GUCY1A1: variants seen among roughly 807,000 people sequenced by gnomAD.
The protein encoded by GUCY1A1 is guanylate cyclase soluble subunit alpha-1.
In GUCY1A1, 48 loss-of-function variants were observed where a neutral mutation model predicts 64.5. The ratio of observed to expected loss-of-function variants is 0.74; its 90% confidence interval spans 0.59 to 0.95. The LOEUF is 0.95. Among genes scored for constraint, GUCY1A1 ranks in the 40% least tolerant of loss-of-function variants. GUCY1A1 has a pLI of 0.00. For synonymous variants in GUCY1A1, 308 were observed against 303.4 expected (o/e 1.02, Z -0.16); for missense variants, 804 against 825.3 (o/e 0.97, Z 0.32).
intron 6 of GUCY1A1, among the ~76,000 whole-genome samples, chr4:155,711,937 T>C (rs984654772): frequency 7.9e-5 from 12 of 152,162 alleles, no homozygotes; most frequent in African/African-American, 4.8e-5. Context: ...AAATGAGTAA[T>C]ATTGAAAGGT....
At chr4:155,721,820 C>T (rs1399325542) in intron 8 of GUCY1A1, among the ~76,000 whole-genome samples, 1 of 151,958 alleles carries the variant, frequency 6.6e-6, no homozygotes, top group African/African-American at 2.4e-5. Flanking sequence ...GTGTAATAAA[C>T]CTAAATGGAA....
At position 155,722,086 on chromosome 4, in the gene GUCY1A1, G is replaced by C. The variant is rs1243155394; in HGVS notation, c.1765G>C (p.Val589Leu). 1.2e-6 allele frequency: 2 copies of C among 1,613,688 alleles called. No individual in the cohort carries two copies. Among genetic ancestry groups the C allele is most frequent in the African/African-American group, 2.7e-5 (2 of 74,994 alleles). ...ATCAGTTTTTGCTGGCGTCGTTGGAGTTAAAATGCCCCGTTACTGTCTTTT... is the reference window on the plus strand; with the variant it reads ...ATCAGTTTTTGCTGGCGTCGTTGGACTTAAAATGCCCCGTTACTGTCTTTT... The part of the protein sequence containing the change: ...SGSVFAGVVG[V>L]KMPRYCLFGN... The change falls in exon 9 of 10, where the codon GTT (valine) becomes CTT (leucine). Residue 589 changes from valine to leucine, a missense_variant. Coordinates refer to ENST00000506455, the MANE Select transcript of GUCY1A1 (RefSeq NM_001130682.3).
In GUCY1A1 at chr4:155,713,269, C is replaced by T. The variant is rs373182378; in HGVS notation, c.1258C>T (p.Arg420Ter). 1.4e-5 allele frequency: 22 copies of T among 1,613,936 alleles called. No homozygotes were observed. The highest frequency in any genetic ancestry group is 1.7e-5 in the Admixed American group (1 of 59,984). The change falls in exon 7 of 10, where the codon CGA (arginine) becomes TGA (stop). Residue 420 changes from arginine (R) to a stop codon, truncating the protein, a stop_gained. Transcript: ENST00000506455. LOFTEE classifies it high-confidence loss of function. ...RDVVLIGEQA[R>*]AQDGLKKRLG... The stretch of plus-strand genomic sequence containing the variant: ...TGTGGTCTTAATAGGGGAACAAGCC[C>T]GAGCTCAAGATGGCCTGAAGAAGAG...
At chr4:155,713,681 C>G (rs534695162) in intron 7 of GUCY1A1, 98 bp downstream of exon 7, 1 of 1,322,542 alleles carries the variant, frequency 7.6e-7, no homozygotes, top group East Asian at 2.4e-5. Flanking sequence ...TGAAAGGCCA[C>G]CTCTGTAGGG....
intron 2 of GUCY1A1, among the ~76,000 whole-genome samples, chr4:155,689,042 A>G (rs76164227): frequency 2.1e-3 from 321 of 150,728 alleles, no homozygotes; most frequent in Non-Finnish European, 3.4e-3. Context: ...TAAGAGGAAG[A>G]ATGGGGAGCA....
At chr4:155,675,012 A>G (rs983881350) in intron 2 of GUCY1A1, among the ~76,000 whole-genome samples, 2 of 151,566 alleles carry the variant, frequency 1.3e-5, no homozygotes, top group African/African-American at 4.9e-5. Flanking sequence ...TACAATGGCT[A>G]TCAGTCACTA....
chr4:155,727,905 T>G (rs1734950519), intron 9 of GUCY1A1, among the ~76,000 whole-genome samples: 1 of 151,900 alleles, frequency 6.6e-6, no homozygotes, highest in South Asian at 2.1e-4. Context: ...ATATGTACTC[T>G]CTGCAGACAG....
Position 155,713,477 on chromosome 4 carries a change from G to T in GUCY1A1, c.1466G>T (p.Gly489Val). 1 of 1,614,124 alleles carries T rather than the reference G, an allele frequency of 6.2e-7. No individual in the cohort carries two copies. The highest frequency in any genetic ancestry group is 1.3e-5 in the African/African-American group (1 of 75,020). The change falls in exon 7 of 10, where the codon GGG becomes GTG. Residue 489 changes from glycine to valine, a missense_variant. Gly to Val is a moderately radical substitution (Grantham distance 109, BLOSUM62 -3). Coordinates refer to ENST00000506455, the MANE Select transcript of GUCY1A1 (RefSeq NM_001130682.3). ...NVTMLFSDIV[G>V]FTAICSQCSP... ...ACCATGCTCTTCTCAGACATCGTTG[G>T]GTTCACTGCCATCTGCTCCCAGTGC...
At chr4:155,690,815 T>G (rs1290698776) in intron 2 of GUCY1A1, among the ~76,000 whole-genome samples, 1 of 152,212 alleles carries the variant, frequency 6.6e-6, no homozygotes, top group Non-Finnish European at 1.5e-5. Flanking sequence ...GTTTTCCTCC[T>G]GGATTGTAAG....
intron 8 of GUCY1A1, among the ~76,000 whole-genome samples, chr4:155,721,216 A>T (rs559305794): frequency 6.6e-6 from 1 of 152,042 alleles, no homozygotes; most frequent in Non-Finnish European, 1.5e-5. Context: ...GTGAACTATG[A>T]TGGTACCGCT....
chr4:155,713,972 G>A (rs1732918825), intron 7 of GUCY1A1, among the ~76,000 whole-genome samples: 1 of 152,124 alleles, frequency 6.6e-6, no homozygotes, highest in Non-Finnish European at 1.5e-5. Context: ...TTCAAAGTAT[G>A]GCTTATACAA....
At chr4:155,687,378 TA>T (rs1340116078) in intron 2 of GUCY1A1, among the ~76,000 whole-genome samples, 4 of 152,146 alleles carry the variant, frequency 2.6e-5, no homozygotes, top group Non-Finnish European at 5.9e-5. Flanking sequence ...TATCTTTTTT[TA>T]AAAAAATTAT....
At chr4:155,682,569 G>A (rs1415511709) in intron 2 of GUCY1A1, among the ~76,000 whole-genome samples, 1 of 152,122 alleles carries the variant, frequency 6.6e-6, no homozygotes, top group East Asian at 1.9e-4. Context: ...CTACACAGGA[G>A]GCTGAGGCCG....
At chr4:155,728,158 G>A (rs1008342659) in intron 9 of GUCY1A1, among the ~76,000 whole-genome samples, 3 of 152,044 alleles carry the variant, frequency 2.0e-5, no homozygotes, top group African/African-American at 4.8e-5. Context: ...TTGATAAAAT[G>A]TAAATCTAGT....
chr4:155,700,694 A>G (rs938242637), intron 3 of GUCY1A1, among the ~76,000 whole-genome samples: 1 of 152,210 alleles, frequency 6.6e-6, no homozygotes, highest in African/African-American at 2.4e-5. Flanking sequence ...TCTGTGAATC[A>G]GAAAGTCCAC....
At chr4:155,706,037 TG>T (rs1466049619) in intron 4 of GUCY1A1, among the ~76,000 whole-genome samples, 1 of 152,230 alleles carries the variant, frequency 6.6e-6, no homozygotes, top group Non-Finnish European at 1.5e-5. Context: ...CTTTGTGTTC[TG>T]AATCGTTCCT....
rs751084289 is a variant in GUCY1A1 at position 155,713,288 on chromosome 4, A to G, written c.1277A>G (p.Lys426Arg). The change falls in exon 7 of 10, where the codon AAG (lysine) becomes AGG (arginine). Residue 426 changes from lysine to arginine, a missense_variant. By Grantham distance (26) the Lys-to-Arg change is conservative. Coordinates refer to ENST00000506455, the MANE Select transcript of GUCY1A1 (RefSeq NM_001130682.3). ...CAAGCCCGAGCTCAAGATGGCCTGAAGAAGAGGCTGGGGAAGCTGAAGGCT... is the reference window on the plus strand; with the variant it reads ...CAAGCCCGAGCTCAAGATGGCCTGAGGAAGAGGCTGGGGAAGCTGAAGGCT... ...GEQARAQDGLKKRLGKLKATL... is the reference protein window; with the variant it reads ...GEQARAQDGLRKRLGKLKATL... The G allele has an allele frequency of 2.5e-6, 4 of 1,614,062 alleles. No homozygotes were observed. In the African/African-American group the frequency reaches 5.3e-5, roughly 22 times the overall value.
Position 155,731,752 on chromosome 4 carries a change from A to G in GUCY1A1, c.*1521A>G, listed in dbSNP as rs750397191. 9 of 151,758 alleles carry G rather than the reference A, an allele frequency of 5.9e-5. No individual in the cohort carries two copies. Among genetic ancestry groups the G allele is most frequent in the Non-Finnish European group, 8.8e-5 (6 of 67,848 alleles). 9.4% of individuals were successfully genotyped at this position (151,758 alleles called of 1,614,324 possible). ...GTTCTGAGAAATAACTCAGTTTAAA[A>G]CTTCTTTAACTGCCTCCCTTAGTAC... is the stretch of plus-strand genomic sequence containing the variant. On this transcript the variant is annotated 3_prime_UTR_variant, in exon 10 of 10. Coordinates refer to ENST00000506455, the MANE Select transcript of GUCY1A1 (RefSeq NM_001130682.3).
At chr4:155,715,486 C>G (rs1286137572) in intron 7 of GUCY1A1, among the ~76,000 whole-genome samples, 1 of 152,136 alleles carries the variant, frequency 6.6e-6, no homozygotes, top group Non-Finnish European at 1.5e-5. Flanking sequence ...GGCTACAGAG[C>G]TAGAGGGTAC....
Sources: allele counts gnomAD v4.1 joint callset (sites outside exome capture counted in the v4.1 genomes callset), GRCh38; gene constraint gnomAD v4.1.1; transcripts MANE v1.5; gene names NCBI Gene and HGNC (gene_info 2026-07-23, HGNC 2026-07-21).